NAV2: variants seen among roughly 807,000 people sequenced by gnomAD.
NAV2 encodes the protein neuron navigator 2.
In NAV2, 54 loss-of-function variants were observed where a neutral mutation model predicts 223.2. The ratio of observed to expected loss-of-function variants is 0.24; its 90% CI spans 0.19 to 0.30. The LOEUF (loss-of-function observed/expected upper bound fraction) is 0.30, where lower values mean the gene tolerates loss of function less well. Among genes scored for constraint, NAV2 ranks in the 10% least tolerant of loss-of-function variants. The pLI is 1.00. For synonymous variants in NAV2, 1,279 were observed against 1,239.3 expected (o/e 1.03, Z -0.67); for missense variants, 2,806 against 3,147.5 (o/e 0.89, Z 2.60).
chr11:20,030,398 T>C (rs539781203), intron 11 of NAV2, among the ~76,000 whole-genome samples: 36 of 152,332 alleles, frequency 2.4e-4, no homozygotes, highest in Admixed American at 6.5e-4. Context: ...TTAACTAGGA[T>C]TTAATATTTA....
At chr11:20,051,876 G>C (rs1399320227) in intron 17 of NAV2, among the ~76,000 whole-genome samples, 3 of 152,150 alleles carry the variant, frequency 2.0e-5, no homozygotes, top group African/African-American at 7.2e-5. Context: ...CAAGACATGG[G>C]TGTGATCATT....
chr11:19,692,331 G>A lies in NAV2; in HGVS notation c.76-140153G>A, dbSNP rs144104970. Among the ~76,000 whole-genome samples, 372 of 152,368 alleles carry A rather than the reference G, an allele frequency of 2.4e-3. 3 individuals are homozygous for A. Among genetic ancestry groups the A allele is most frequent in the South Asian group, 0.017 (84 of 4,826 alleles). ...CCCCCCGGAAACCCAGGTCTGAGAA[G>A]CCAGGTCATTTGTATGTTGAAGCAC... On this transcript the variant is annotated intron_variant, in intron 1 of 37. Transcript: ENST00000360655.
chr11:19,664,763 A>T (rs2048366852), intron 1 of NAV2, among the ~76,000 whole-genome samples: 1 of 152,182 alleles, frequency 6.6e-6, no homozygotes, highest in Non-Finnish European at 1.5e-5. Context: ...TTTGCTATGG[A>T]GGAGAATGTT....
In NAV2 at chr11:19,613,331, A is replaced by G. The variant is rs59841967; in HGVS notation, c.76-219153A>G. Among the ~76,000 whole-genome samples, 616 of 151,722 alleles carry G rather than the reference A, an allele frequency of 4.1e-3. 2 individuals carry two copies. The highest frequency in any genetic ancestry group is 0.013 in the African/African-American group (529 of 41,310). On this transcript the variant is annotated intron_variant, in intron 1 of 37. Transcript: ENST00000360655. ...ATGGAGGGGATGTGAGGCGTTAGGGAAAAAAAAATCATGTTTTTGTCTTGC... is the reference window on the plus strand; with the variant it reads ...ATGGAGGGGATGTGAGGCGTTAGGGGAAAAAAAATCATGTTTTTGTCTTGC...
At chr11:19,709,973 GT>G (rs2049815495), upstream of NAV2, among the ~76,000 whole-genome samples, 1 of 152,044 alleles carries the variant, frequency 6.6e-6, no homozygotes, top group African/African-American at 2.4e-5. Flanking sequence ...AACACACAGG[GT>G]TAAGGGAAAT....
intron 1 of NAV2, among the ~76,000 whole-genome samples, chr11:19,775,923 A>G (rs1316549782): frequency 6.6e-6 from 1 of 152,180 alleles, no homozygotes; most frequent in African/African-American, 2.4e-5. Flanking sequence ...GAGAGCTGGG[A>G]TTTTTAAACT....
At chr11:19,526,097 G>C (rs1345305286) in intron 1 of NAV2, among the ~76,000 whole-genome samples, 1 of 152,108 alleles carries the variant, frequency 6.6e-6, no homozygotes, top group Non-Finnish European at 1.5e-5. Flanking sequence ...TGGCCCTACT[G>C]CCACAGTGTC....
chr11:19,418,429 C>A (rs1006631557), intron 1 of NAV2, among the ~76,000 whole-genome samples: 2 of 152,218 alleles, frequency 1.3e-5, no homozygotes, highest in Non-Finnish European at 2.9e-5. Context: ...GATGCCTTCT[C>A]ACCTTGGGCT....
At chr11:19,874,804 G>T (rs145180553) in intron 4 of NAV2, among the ~76,000 whole-genome samples, 1 of 152,224 alleles carries the variant, frequency 6.6e-6, no homozygotes, top group Admixed American at 6.5e-5. Flanking sequence ...TGATGGGAAT[G>T]TAAAAACTGA....
intron 1 of NAV2, among the ~76,000 whole-genome samples, chr11:19,557,401 A>G (rs1424479466): frequency 6.6e-6 from 1 of 152,206 alleles, no homozygotes; most frequent in Non-Finnish European, 1.5e-5. Flanking sequence ...TTTTGTTTGT[A>G]GAATTGATTT....
intron 1 of NAV2, among the ~76,000 whole-genome samples, chr11:19,735,824 T>C (rs563712413): frequency 1.8e-4 from 27 of 152,266 alleles, no homozygotes; most frequent in East Asian, 7.7e-4. Flanking sequence ...ACTTTTTTTT[T>C]CCCCGTGGTA....
chr11:20,048,759 C>T lies in NAV2; in HGVS notation c.3934C>T (p.Pro1312Ser). The change falls in exon 15 of 38, where the codon CCC becomes TCC. Residue 1312 changes from proline to serine, a missense_variant. Physicochemically the swap from Pro to Ser is moderately conservative, Grantham distance 74. Around this residue, in one of 4 missense-constraint regions of NAV2, gnomAD observed 742 missense variants for 777.9 expected, o/e 0.95. Transcript: ENST00000349880. ...TGGTGGGAAGCCTACCAAGCAAGTG[C>T]CCATCGCCACAGCTGAAAACATGAA... ...LFGGKPTKQV[P>S]IATAENMKNS... 1.9e-6 allele frequency: 3 copies of T among 1,614,132 alleles called. No individual in the cohort carries two copies. Among genetic ancestry groups the T allele is most frequent in the Non-Finnish European group, 1.7e-6 (2 of 1,180,006 alleles).
intron 1 of NAV2, among the ~76,000 whole-genome samples, chr11:19,581,463 G>A (rs1444277235): frequency 6.6e-6 from 1 of 152,100 alleles, no homozygotes; most frequent in Non-Finnish European, 1.5e-5. Context: ...TTGGTGTGCT[G>A]CACCCGTTAA....
At chr11:19,894,833 C>A (rs891655655) in intron 6 of NAV2, among the ~76,000 whole-genome samples, 1 of 152,148 alleles carries the variant, frequency 6.6e-6, no homozygotes. Flanking sequence ...CGGGTTCAAG[C>A]GATTCTCCTG....
intron 31 of NAV2, among the ~76,000 whole-genome samples, chr11:20,099,958 GAC>G (rs1347719688): frequency 6.6e-6 from 1 of 152,108 alleles, no homozygotes; most frequent in East Asian, 1.9e-4. Context: ...TAGCAGATAA[GAC>G]ATCTGGGGGC....
At chr11:19,496,976 T>A (rs2042816281) in intron 1 of NAV2, among the ~76,000 whole-genome samples, 1 of 152,222 alleles carries the variant, frequency 6.6e-6, no homozygotes, top group Non-Finnish European at 1.5e-5. Flanking sequence ...TGTGTGTGGA[T>A]ACGTTACCTA....
chr11:19,866,555 G>A lies in NAV2; in HGVS notation c.439-2370G>A, dbSNP rs142446195. Among the ~76,000 whole-genome samples, 225 of 152,302 alleles carry A rather than the reference G, an allele frequency of 1.5e-3. 2 individuals are homozygous for A. Among genetic ancestry groups the A allele is most frequent in the African/African-American group, 5.2e-3 (215 of 41,562 alleles). On this transcript the variant is annotated intron_variant, in intron 3 of 37. Transcript: ENST00000349880. Reference sequence around the variant, plus strand: ...GCTGAATTGAAATGTATCAAGGCTAGCCTTGCAAACAGACACTATCATGTA... The same window carrying A: ...GCTGAATTGAAATGTATCAAGGCTAACCTTGCAAACAGACACTATCATGTA...
At chr11:19,590,308 G>A (rs2046024433) in intron 1 of NAV2, among the ~76,000 whole-genome samples, 1 of 152,138 alleles carries the variant, frequency 6.6e-6, no homozygotes, top group African/African-American at 2.4e-5. Flanking sequence ...TTAAACCTTG[G>A]AATCTTTCTC....
Position 19,627,820 on chromosome 11 carries a change from A to T in NAV2, c.76-204664A>T, listed in dbSNP as rs111952739. 5.8e-3 allele frequency among the ~76,000 whole-genome samples: 875 copies of T among 151,800 alleles called. 11 individuals carry two copies. The highest frequency in any genetic ancestry group is 0.02 in the African/African-American group (837 of 41,322). On this transcript the variant is annotated intron_variant, in intron 1 of 37. Transcript: ENST00000360655. ...CAAAGTGAGAATATTGGCTCCAGAG[A>T]CAGGAAACCTAGTTCTAATCCGACA...
Sources: gnomAD v4.1 joint callset for allele counts (sites outside exome capture counted in the v4.1 genomes callset) on GRCh38, gnomAD v4.1.1 for gene constraint, gnomAD v4.1.1 regional missense constraint, MANE v1.5 for transcripts, NCBI Gene and HGNC (gene_info 2026-07-23, HGNC 2026-07-21) for gene names.